Variants in INPP4B observed in about 807,000 individuals in gnomAD.
INPP4B encodes the protein inositol polyphosphate-4-phosphatase type II B.
A neutral mutation model predicts 122.5 loss-of-function variants in INPP4B; 55 were observed. The ratio of observed to expected loss-of-function variants is 0.45; its 90% CI spans 0.36 to 0.56. The LOEUF (loss-of-function observed/expected upper bound fraction) is 0.56, where lower values mean the gene tolerates loss of function less well. Ranked by LOEUF, INPP4B falls within the 20% of genes least tolerant of loss-of-function variation. INPP4B has a pLI of 0.00. For synonymous variants in INPP4B, 403 were observed against 388.7 expected (o/e 1.04, Z -0.43); for missense variants, 1,000 against 1,097.7 (o/e 0.91, Z 1.26).
At chr4:142,745,450 G>A (rs78781814) in intron 1 of INPP4B, among the ~76,000 whole-genome samples, 3,436 of 151,832 alleles carry the variant, frequency 0.023, 57 homozygotes, top group Middle Eastern at 0.096. Context: ...GAAAAAAATC[G>A]CCTGACCATT....
At chr4:142,579,886 G>GGT (rs1734679722) in intron 2 of INPP4B, among the ~76,000 whole-genome samples, 8 of 131,916 alleles carry the variant, frequency 6.1e-5, no homozygotes, top group African/African-American at 2.0e-4. Flanking sequence ...TAGGTAGATA[G>GGT]ATAGATAGAT....
intron 15 of INPP4B, among the ~76,000 whole-genome samples, chr4:142,184,717 T>C (rs963040273): frequency 6.6e-6 from 1 of 152,192 alleles, no homozygotes; most frequent in Non-Finnish European, 1.5e-5. Flanking sequence ...AGACTTGGCT[T>C]AGACAAGGAG....
intron 16 of INPP4B, among the ~76,000 whole-genome samples, chr4:142,168,201 C>T (rs1036748541): frequency 6.6e-6 from 1 of 151,386 alleles, no homozygotes; most frequent in Non-Finnish European, 1.5e-5. Flanking sequence ...GTATATTGAG[C>T]TTCTTGGGTC....
At chr4:142,545,743 GTATATATATACACA>G (rs1430630689) in intron 2 of INPP4B, among the ~76,000 whole-genome samples, 11 of 132,018 alleles carry the variant, frequency 8.3e-5, no homozygotes, top group South Asian at 4.7e-4. Flanking sequence ...ACATATATGT[GTATATATATACACA>G]TGTATATGTG....
At chr4:142,698,168 G>T (rs1298682249) in intron 2 of INPP4B, among the ~76,000 whole-genome samples, 3 of 152,124 alleles carry the variant, frequency 2.0e-5, no homozygotes, top group African/African-American at 7.2e-5. Context: ...GCATGAACAT[G>T]CCCTTACCAG....
chr4:142,831,663 T>C (rs1489434920), intron 1 of INPP4B, among the ~76,000 whole-genome samples: 2 of 152,270 alleles, frequency 1.3e-5, no homozygotes, highest in African/African-American at 4.8e-5. Flanking sequence ...TCAAAAAGCA[T>C]TTTTTCCTCT....
intron 2 of INPP4B, among the ~76,000 whole-genome samples, chr4:142,589,844 T>G (rs557761588): frequency 6.6e-6 from 1 of 152,260 alleles, no homozygotes; most frequent in South Asian, 2.1e-4. Context: ...CACATTTATT[T>G]GTAATCAGCC....
chr4:142,535,578 G>A (rs1828093313), intron 2 of INPP4B, among the ~76,000 whole-genome samples: 1 of 152,146 alleles, frequency 6.6e-6, no homozygotes, highest in Admixed American at 6.6e-5. Context: ...TCTCTCACAT[G>A]TAATAAATGG....
Position 142,753,543 on chromosome 4 carries a change from C to A in INPP4B, c.-253-27642G>T, listed in dbSNP as rs1770044259. Among the ~76,000 whole-genome samples the A allele has an allele frequency of 2.6e-5, 4 of 151,980 alleles. No homozygotes were observed. The South Asian group carries it at 8.3e-4, about 32-fold the overall frequency. ...AAACAAATGTGCATATTGATCCCCC[C>A]TCTCTCCATTTGCTCTTGACCAGAT... On this transcript the variant is annotated intron_variant, in intron 1 of 25. Coordinates refer to ENST00000262992, the MANE Select transcript of INPP4B (RefSeq NM_001101669.3).
intron 22 of INPP4B, among the ~76,000 whole-genome samples, chr4:142,110,050 T>C (rs1173499531): frequency 6.6e-6 from 1 of 152,178 alleles, no homozygotes; most frequent in Non-Finnish European, 1.5e-5. Context: ...AATACCATCC[T>C]TGCTGGAGTA....
At chr4:142,700,699 G>A (rs73850558) in intron 2 of INPP4B, among the ~76,000 whole-genome samples, 4,486 of 151,790 alleles carry the variant, frequency 0.03, 213 homozygotes, top group African/African-American at 0.1. Flanking sequence ...TGCAGCAGGT[G>A]CATTTTCCTA....
intron 1 of INPP4B, among the ~76,000 whole-genome samples, chr4:142,784,364 A>AAAATAAATAAATAAAT (rs3080884): frequency 7.3e-6 from 1 of 137,738 alleles, no homozygotes; most frequent in Non-Finnish European, 1.6e-5. Context: ...CTCTGTCTCA[A>AAAATAAATAAATAAAT]AAATAAATAA....
intron 2 of INPP4B, among the ~76,000 whole-genome samples, chr4:142,611,646 T>C (rs1049769801): frequency 3.8e-5 from 5 of 131,736 alleles, no homozygotes; most frequent in African/African-American, 5.7e-5. Flanking sequence ...TCTTTTTTTT[T>C]TTTTTTTTTT....
intron 25 of INPP4B, among the ~76,000 whole-genome samples, chr4:142,043,741 G>C (rs1395069826): frequency 6.6e-6 from 1 of 152,118 alleles, no homozygotes; most frequent in Non-Finnish European, 1.5e-5. Context: ...ATGAGATGAG[G>C]CTATGTTGTA....
chr4:142,630,778 C>T (rs1186580398), intron 2 of INPP4B, among the ~76,000 whole-genome samples: 2 of 152,070 alleles, frequency 1.3e-5, no homozygotes, highest in Admixed American at 1.3e-4. Context: ...AATTGAGGTA[C>T]AGTACACTTA....
chr4:142,721,645 AC>A (rs1764697989), intron 2 of INPP4B, among the ~76,000 whole-genome samples: 1 of 152,048 alleles, frequency 6.6e-6, no homozygotes, highest in Non-Finnish European at 1.5e-5. Context: ...ACACAGTGAA[AC>A]CCCGTCTCTA....
intron 25 of INPP4B, among the ~76,000 whole-genome samples, chr4:142,071,569 A>AT (rs1561017303): frequency 6.6e-6 from 1 of 152,158 alleles, no homozygotes; most frequent in Admixed American, 6.5e-5. Context: ...ATGGGAGAAA[A>AT]TTTTTACAAT....
intron 1 of INPP4B, among the ~76,000 whole-genome samples, chr4:142,783,604 A>G (rs941334848): frequency 3.3e-5 from 5 of 152,154 alleles, no homozygotes; most frequent in Non-Finnish European, 7.4e-5. Flanking sequence ...CCCTTGTGGA[A>G]GATTAATTTT....
At chr4:142,589,836 C>T (rs1355703132) in intron 2 of INPP4B, among the ~76,000 whole-genome samples, 1 of 152,056 alleles carries the variant, frequency 6.6e-6, no homozygotes, top group African/African-American at 2.4e-5. Flanking sequence ...TTTTATTGCA[C>T]ATTTATTTGT....
Sources: allele counts gnomAD v4.1 joint callset (sites outside exome capture counted in the v4.1 genomes callset), GRCh38; gene constraint gnomAD v4.1.1; transcripts MANE v1.5; gene names NCBI Gene and HGNC (gene_info 2026-07-23, HGNC 2026-07-21).